Variants in PDE1A observed in about 807,000 individuals in gnomAD.
PDE1A encodes the protein dual specificity calcium/calmodulin-dependent 3',5'-cyclic nucleotide phosphodiesterase 1A.
PDE1A carries 35 observed loss-of-function variants against 61.7 expected under a neutral mutation model. That is an observed-to-expected ratio of 0.57 (90% CI 0.43 to 0.75). The LOEUF (loss-of-function observed/expected upper bound fraction) is 0.75. Among genes scored for constraint, PDE1A ranks in the 30% least tolerant of loss-of-function variants. The pLI is 0.00. For synonymous variants in PDE1A, 232 were observed against 213.2 expected (o/e 1.09, Z -0.77); for missense variants, 597 against 630.6 (o/e 0.95, Z 0.57).
rs200893342 is a variant in PDE1A at position 182,449,049 on chromosome 2, TACACACACACACAC to T, written c.101+73213_101+73226del. On this transcript the variant is annotated intron_variant, in intron 2 of 14. Coordinates refer to the PDE1A transcript ENST00000410103. ...CCACTACAGGATCACATCATACACA[TACACACACACACAC>T]ACACACACACACACACACACACAAA... Among the ~76,000 whole-genome samples the T allele has an allele frequency of 9.3e-4, 84 of 90,662 alleles. 1 individual carries two copies. The highest frequency in any genetic ancestry group is 2.3e-3 in the African/African-American group (72 of 31,686). 59.5% of individuals were successfully genotyped at this position (90,662 alleles called of 152,430 possible).
At chr2:182,440,930 A>G (rs1684751309) in intron 2 of PDE1A, among the ~76,000 whole-genome samples, 1 of 152,044 alleles carries the variant, frequency 6.6e-6, no homozygotes, top group African/African-American at 2.4e-5. Flanking sequence ...CTTACCACGA[A>G]AATTTTTTGG....
At chr2:182,200,402 A>G (rs570235797) in intron 10 of PDE1A, among the ~76,000 whole-genome samples, 3 of 152,294 alleles carry the variant, frequency 2.0e-5, no homozygotes, top group East Asian at 1.9e-4. Context: ...CGCATGTCCA[A>G]TGGTTTAATC....
chr2:182,231,127 A>T (rs1466511615), exon 5 of PDE1A: 1 of 1,522,584 alleles, frequency 6.6e-7, no homozygotes, highest in Admixed American at 1.7e-5. Flanking sequence ...CCATTTATCA[A>T]CATCCTGTAG....
At chr2:182,176,964 C>T (rs1220953766) in intron 13 of PDE1A, among the ~76,000 whole-genome samples, 6 of 149,202 alleles carry the variant, frequency 4.0e-5, no homozygotes, top group Non-Finnish European at 7.5e-5. Flanking sequence ...TTGTCTTTGG[C>T]TCTGTTTATA....
intron 2 of PDE1A, among the ~76,000 whole-genome samples, chr2:182,466,878 A>G (rs907411222): frequency 3.3e-5 from 5 of 151,976 alleles, no homozygotes; most frequent in Admixed American, 6.6e-5. Context: ...TTATTTTTGA[A>G]AAGGCAACAG....
chr2:182,406,221 AT>A (rs1379510204), intron 1 of PDE1A, among the ~76,000 whole-genome samples: 1 of 152,076 alleles, frequency 6.6e-6, no homozygotes, highest in African/African-American at 2.4e-5. Context: ...ATTACAAGCC[AT>A]TTTTACAGAT....
chr2:182,513,838 A>C (rs1213953253), intron 2 of PDE1A, among the ~76,000 whole-genome samples: 1 of 152,252 alleles, frequency 6.6e-6, no homozygotes, highest in African/African-American at 2.4e-5. Context: ...CAATGATCAA[A>C]AAGGACAAAG....
At chr2:182,448,859 T>C (rs1437270209) in intron 2 of PDE1A, among the ~76,000 whole-genome samples, 1 of 152,064 alleles carries the variant, frequency 6.6e-6, no homozygotes, top group Admixed American at 6.6e-5. Context: ...CTATAGAGAT[T>C]ATTTGGTTCA....
chr2:182,456,856 C>A (rs796863931), intron 2 of PDE1A, among the ~76,000 whole-genome samples: 16 of 152,160 alleles, frequency 1.1e-4, no homozygotes, highest in African/African-American at 3.6e-4. Context: ...TTAATATAAA[C>A]AGGTTCTCTC....
intron 1 of PDE1A, among the ~76,000 whole-genome samples, chr2:182,340,727 G>A (rs956445201): frequency 1.3e-5 from 2 of 152,136 alleles, no homozygotes; most frequent in African/African-American, 4.8e-5. Context: ...GAAGTTAACC[G>A]AAATCTGGGT....
At chr2:182,484,004 A>T (rs1371994478) in intron 2 of PDE1A, among the ~76,000 whole-genome samples, 2 of 151,928 alleles carry the variant, frequency 1.3e-5, no homozygotes, top group African/African-American at 4.8e-5. Flanking sequence ...AAATTGGACA[A>T]CTTAGATGAA....
chr2:182,442,723 T>C (rs1684874139), intron 2 of PDE1A, among the ~76,000 whole-genome samples: 1 of 152,040 alleles, frequency 6.6e-6, no homozygotes, highest in African/African-American at 2.4e-5. Context: ...TACACTAAAT[T>C]TGAAAATTTT....
At chr2:182,449,039 A>G (rs891236665) in intron 2 of PDE1A, among the ~76,000 whole-genome samples, 7 of 112,228 alleles carry the variant, frequency 6.2e-5, no homozygotes, top group Non-Finnish European at 1.1e-4. Context: ...ACAGGATCAC[A>G]TCATACACAT....
At chr2:182,279,744 T>A (rs1693678222) in intron 1 of PDE1A, among the ~76,000 whole-genome samples, 3 of 151,948 alleles carry the variant, frequency 2.0e-5, no homozygotes, top group South Asian at 4.1e-4. Context: ...TTAATTTCTC[T>A]TTCTCTCTAC....
chr2:182,417,261 T>C (rs1216476357), intron 1 of PDE1A, among the ~76,000 whole-genome samples: 1 of 152,232 alleles, frequency 6.6e-6, no homozygotes, highest in African/African-American at 2.4e-5. Context: ...CCTGTCAGAA[T>C]CCTATTCACC....
chr2:182,348,117 C>A (rs1046128775), intron 1 of PDE1A, among the ~76,000 whole-genome samples: 1 of 152,088 alleles, frequency 6.6e-6, no homozygotes, highest in South Asian at 2.1e-4. Context: ...TTATTTGGGA[C>A]CTACTACTTG....
chr2:182,450,572 C>G (rs1008507657), intron 2 of PDE1A, among the ~76,000 whole-genome samples: 30 of 149,574 alleles, frequency 2.0e-4, no homozygotes, highest in African/African-American at 6.1e-4. Flanking sequence ...AAAAAACCAA[C>G]ATTACTAGGG....
the PDE1A span, among the ~76,000 whole-genome samples, chr2:182,562,741 T>C: frequency 1.3e-5 from 2 of 152,142 alleles, no homozygotes; most frequent in Admixed American, 6.5e-5. Context: ...GAGCCTGTTA[T>C]TGGTCTATTC....
intron 2 of PDE1A, among the ~76,000 whole-genome samples, chr2:182,249,278 A>G (rs1206558276): frequency 6.6e-6 from 1 of 152,236 alleles, no homozygotes; most frequent in African/African-American, 2.4e-5. Context: ...AGTAAGATGT[A>G]GGAGACAGGC....
Sources: allele counts gnomAD v4.1 joint callset (sites outside exome capture counted in the v4.1 genomes callset), GRCh38; gene constraint gnomAD v4.1.1; transcripts MANE v1.5; gene names NCBI Gene and HGNC (gene_info 2026-07-23, HGNC 2026-07-21).